The following EFCAB8 variants were observed in gnomAD, a reference collection of about 807,000 sequenced individuals.
The protein encoded by EFCAB8 is EF-hand calcium-binding domain-containing protein 8.
Under a neutral mutation model 116.3 loss-of-function variants are expected in EFCAB8, and 100 were observed. The ratio of observed to expected loss-of-function variants is 0.86; its 90% confidence interval spans 0.73 to 1.02. The LOEUF (loss-of-function observed/expected upper bound fraction) is 1.02, where lower values mean the gene tolerates loss of function less well. Among genes scored for constraint, EFCAB8 ranks in the 50% least tolerant of loss-of-function variants. The pLI is 0.00. For missense variants in EFCAB8, 1,320 were observed against 1,416.9 expected, an observed-to-expected ratio of 0.93 and a Z score of 1.10; for synonymous variants, 558 against 567.9, an observed-to-expected ratio of 0.98 and a Z score of 0.25.
chr20:32,894,745 C>A (rs569168541), intron 9 of EFCAB8, among the ~76,000 whole-genome samples: 1 of 152,212 alleles, frequency 6.6e-6, no homozygotes, highest in Non-Finnish European at 1.5e-5. Flanking sequence ...GTATAAGAAA[C>A]GTGGAACGTT....
rs141356296 is a variant in EFCAB8 at position 32,942,877 on chromosome 20, G to A, written c.2791-759G>A. Reference sequence around the variant, plus strand: ...CAGGTATCCTACTACTGTTTATTGAGTCATGTTTTCTGTTACCACTCTTAC... The same window carrying A: ...CAGGTATCCTACTACTGTTTATTGAATCATGTTTTCTGTTACCACTCTTAC... On this transcript the variant is annotated intron_variant, in intron 22 of 26. Coordinates refer to ENST00000400522, the MANE Select transcript of EFCAB8 (RefSeq NM_001143967.2). 2.5e-3 allele frequency among the ~76,000 whole-genome samples: 379 copies of A among 152,150 alleles called. 1 individual carries two copies. Among genetic ancestry groups the A allele is most frequent in the African/African-American group, 8.7e-3 (361 of 41,514 alleles).
chr20:32,872,819 C>A (rs1223032649), intron 3 of EFCAB8, among the ~76,000 whole-genome samples: 1 of 148,410 alleles, frequency 6.7e-6, no homozygotes, highest in African/African-American at 2.5e-5. Context: ...AGGCCGGGTG[C>A]AGTGGCTCAT....
At chr20:32,864,994 G>C (rs1175553868) in intron 2 of EFCAB8, among the ~76,000 whole-genome samples, 1 of 152,198 alleles carries the variant, frequency 6.6e-6, no homozygotes, top group Non-Finnish European at 1.5e-5. Context: ...GAAACCTGTG[G>C]CTCAGGGAAG....
intron 3 of EFCAB8, among the ~76,000 whole-genome samples, chr20:32,874,446 A>G (rs1286847696): frequency 6.6e-6 from 1 of 151,872 alleles, no homozygotes; most frequent in East Asian, 1.9e-4. Flanking sequence ...CTGGTCTTGA[A>G]CTCCTGATCT....
At chr20:32,934,922 A>G (rs1988044780) in intron 22 of EFCAB8, among the ~76,000 whole-genome samples, 1 of 152,140 alleles carries the variant, frequency 6.6e-6, no homozygotes, top group African/African-American at 2.4e-5. Context: ...CAGTGGTTGT[A>G]CTGATTTACA....
intron 3 of EFCAB8, among the ~76,000 whole-genome samples, chr20:32,874,991 T>C (rs1984878461): frequency 6.6e-6 from 1 of 151,502 alleles, no homozygotes; most frequent in Non-Finnish European, 1.5e-5. Context: ...TCAGGTGATC[T>C]TCCCGCCTCT....
At chr20:32,891,317 G>C (rs1397922325) in intron 7 of EFCAB8, among the ~76,000 whole-genome samples, 1 of 152,168 alleles carries the variant, frequency 6.6e-6, no homozygotes, top group Non-Finnish European at 1.5e-5. Context: ...GACCTGGTCT[G>C]CTGGGCCCGT....
At chr20:32,915,831 C>T (rs539087539) in intron 17 of EFCAB8, among the ~76,000 whole-genome samples, 59 of 152,064 alleles carry the variant, frequency 3.9e-4, no homozygotes, top group Non-Finnish European at 7.1e-4. Context: ...GCCACCACAC[C>T]TGGCTAATTT....
chr20:32,934,926 ATT>A (rs1416240774), intron 22 of EFCAB8, among the ~76,000 whole-genome samples: 7 of 152,108 alleles, frequency 4.6e-5, no homozygotes, highest in Admixed American at 3.3e-4. Context: ...GGTTGTACTG[ATT>A]TACATTCCCT....
chr20:32,961,116 C>A lies in EFCAB8; in HGVS notation c.3394-20C>A. 6.5e-7 allele frequency: 1 copy of A among 1,549,382 alleles called. No homozygotes were observed. The highest frequency in any genetic ancestry group is 8.7e-7 in the Non-Finnish European group (1 of 1,144,736). On this transcript the variant is annotated intron_variant, in intron 26 of 26. Coordinates refer to ENST00000400522, the MANE Select transcript of EFCAB8 (RefSeq NM_001143967.2). ...CTCCAACTGGTGCCCCATTCCCGCTCCCCACTCTGTTCCCTGCAGATCTCG... is the reference window on the plus strand; with the variant it reads ...CTCCAACTGGTGCCCCATTCCCGCTACCCACTCTGTTCCCTGCAGATCTCG...
intron 22 of EFCAB8, among the ~76,000 whole-genome samples, chr20:32,933,497 T>C (rs1271289314): frequency 6.6e-6 from 1 of 152,194 alleles, no homozygotes; most frequent in Non-Finnish European, 1.5e-5. Context: ...CTCTTAGTTA[T>C]GTTGAAGTAT....
At chr20:32,960,580 C>T (rs1487964017) in intron 26 of EFCAB8, among the ~76,000 whole-genome samples, 6 of 152,216 alleles carry the variant, frequency 3.9e-5, no homozygotes, top group South Asian at 2.1e-4. Flanking sequence ...ACAGGGTAAA[C>T]GGAGTGGCTC....
At chr20:32,947,903 T>TAAAAAAAAAAAAA (rs377234035) in intron 23 of EFCAB8, among the ~76,000 whole-genome samples, 1 of 100,832 alleles carries the variant, frequency 9.9e-6, no homozygotes, top group Non-Finnish European at 2.2e-5. Flanking sequence ...CCATCTCAAT[T>TAAAAAAAAAAAAA]AAAAAAAAAA....
rs1228718525 is a variant in EFCAB8 at position 32,960,100 on chromosome 20, A to G, written c.3332A>G (p.Glu1111Gly). 5 of 1,551,572 alleles carry G rather than the reference A, an allele frequency of 3.2e-6. No homozygotes were observed. The South Asian group carries it at 3.6e-5, about 11-fold the overall frequency. ...KVLGAAYKPK[E>G]RLQNTRFLST... ...TTGGGAGCGGCGTATAAGCCCAAGG[A>G]ACGCTTGCAGAATACCAGGTTCCTG... Residue 1111 changes from glutamate to glycine, a missense_variant, in exon 26 of 27, where the codon GAA (glutamate) becomes GGA (glycine). Transcript: ENST00000400522.
Position 32,920,134 on chromosome 20 carries a change from G to A in EFCAB8, c.2331G>A (p.Gln777=). Residue 777 remains glutamine (Q), a synonymous_variant, in exon 20 of 27, where the codon CAG becomes CAA. Transcript: ENST00000400522. ...AGTCAAGCAAGATCCACAGCAAACAGTCCATTTACAAAGAGGATGAAACGA... is the reference window on the plus strand; with the variant it reads ...AGTCAAGCAAGATCCACAGCAAACAATCCATTTACAAAGAGGATGAAACGA... ...SRQSSKIHSK[Q]SIYKEDETRK... 6.4e-7 allele frequency: 1 copy of A among 1,551,696 alleles called. No individual in the cohort carries two copies. Among genetic ancestry groups the A allele is most frequent in the Middle Eastern group, 1.7e-4 (1 of 5,992 alleles).
At chr20:32,954,997 G>A (rs1988918826) in intron 23 of EFCAB8, among the ~76,000 whole-genome samples, 1 of 63,258 alleles carries the variant, frequency 1.6e-5, no homozygotes, top group African/African-American at 6.7e-5. Flanking sequence ...AACCTTCTTG[G>A]TCCTGGACAT....
intron 23 of EFCAB8, among the ~76,000 whole-genome samples, chr20:32,953,539 ATGT>A (rs1988865114): frequency 6.6e-6 from 1 of 152,044 alleles, no homozygotes; most frequent in African/African-American, 2.4e-5. Context: ...TAATGGGATG[ATGT>A]TGTGGTTTTG....
intron 26 of EFCAB8, 144 bp from the exon 27 acceptor site, chr20:32,960,992 G>C (rs1989131716): frequency 2.8e-6 from 2 of 705,206 alleles, no homozygotes; most frequent in Non-Finnish European, 4.8e-6. Context: ...ACGGTGGTTA[G>C]TGGTAGCCAC....
intron 1 of EFCAB8, among the ~76,000 whole-genome samples, chr20:32,862,134 CTTT>C (rs796463534): frequency 2.1e-5 from 3 of 141,818 alleles, no homozygotes; most frequent in Non-Finnish European, 1.5e-5. Flanking sequence ...TATTTCTTTT[CTTT>C]TTTTTTTTTT....
Sources: allele counts gnomAD v4.1 joint callset (sites outside exome capture counted in the v4.1 genomes callset), GRCh38; gene constraint gnomAD v4.1.1; transcripts MANE v1.5; gene names NCBI Gene and HGNC (gene_info 2026-07-23, HGNC 2026-07-21).